Variants in RORA observed in about 807,000 individuals in gnomAD.
RORA encodes RAR related orphan receptor A.
Under a neutral mutation model 69.5 loss-of-function variants are expected in RORA, and 7 were observed. The ratio of observed to expected loss-of-function variants is 0.10; its 90% CI spans 0.06 to 0.19. The LOEUF (loss-of-function observed/expected upper bound fraction) is 0.19. Among genes scored for constraint, RORA ranks in the 10% least tolerant of loss-of-function variants. The probability of loss-of-function intolerance (pLI) is 1.00; values close to 1 mark genes in which losing one functional copy is unlikely to be tolerated. For synonymous variants in RORA, 261 were observed against 240.8 expected (o/e 1.08, Z -0.78); for missense variants, 457 against 663.0 (o/e 0.69, Z 3.41).
rs2070294685 is a variant in RORA, at chr15:60,660,983, C to G, written c.196+17674G>C. Among the ~76,000 whole-genome samples the G allele has an allele frequency of 2.0e-5, 3 of 150,590 alleles. No individual in the cohort carries two copies. In the South Asian group the frequency reaches 6.3e-4, roughly 32 times the overall value. ...ATTTTCAGACTTGTGTTTTCCTGGA[C>G]AGCTGCCTAGTGGCTGTAATCCATA... is the stretch of plus-strand genomic sequence containing the variant. On this transcript the variant is annotated intron_variant, in intron 2 of 10. Transcript: ENST00000335670.
At chr15:60,679,287 A>C (rs980016417) in intron 1 of RORA, among the ~76,000 whole-genome samples, 2 of 152,230 alleles carry the variant, frequency 1.3e-5, no homozygotes, top group Non-Finnish European at 2.9e-5. Flanking sequence ...CAGTTGAAAC[A>C]CAACTGAATG....
intron 1 of RORA, among the ~76,000 whole-genome samples, chr15:60,825,469 T>C (rs546001389): frequency 7.9e-5 from 12 of 152,180 alleles, no homozygotes; most frequent in African/African-American, 2.9e-4. Flanking sequence ...ATTCAGGAGG[T>C]TGGTTTGAAT....
chr15:60,739,583 G>T lies in RORA; in HGVS notation c.167-60897C>A, dbSNP rs547044661. On this transcript the variant is annotated intron_variant, in intron 1 of 10. Coordinates refer to ENST00000335670, the MANE Select transcript of RORA (RefSeq NM_134261.3). ...AAGACCTTGTCGCAAAAAAAAAAAA[G>T]TTTTTTTTAAAGGAAATACTTCACC... 8.7e-5 allele frequency among the ~76,000 whole-genome samples: 13 copies of T among 149,382 alleles called. No homozygotes were observed. In the South Asian group the frequency reaches 1.1e-3, roughly 12 times the overall value.
intron 1 of RORA, among the ~76,000 whole-genome samples, chr15:60,991,385 G>A (rs1471747224): frequency 6.6e-6 from 1 of 152,158 alleles, no homozygotes. Context: ...TTTTCAAGGA[G>A]GTAATAGGCT....
rs1412684136 is a variant in RORA, at chr15:60,496,557, A to C, written c.*898T>G. On this transcript the variant is annotated 3_prime_UTR_variant, in exon 11 of 11. Coordinates refer to ENST00000335670, the MANE Select transcript of RORA (RefSeq NM_134261.3). This position sits in a 1 kb window ranked among gnomAD's most constrained non-coding sequence, Gnocchi z 4.5. Reference sequence around the variant, plus strand: ...TCTATCATTAAACTTACCAAAAAGCAAAGTATAATTTAGGGAGAGTTCCGT... The same window carrying C: ...TCTATCATTAAACTTACCAAAAAGCCAAGTATAATTTAGGGAGAGTTCCGT... The C allele has an allele frequency of 2.0e-5, 3 of 152,218 alleles. No homozygotes were observed. In the East Asian group the frequency reaches 5.8e-4, roughly 29 times the overall value. The allele number at this position is 152,218 out of a possible 1,614,324, so 9.4% of individuals were successfully genotyped here.
intron 2 of RORA, among the ~76,000 whole-genome samples, chr15:60,652,110 CTT>C (rs796682420): frequency 2.8e-5 from 4 of 144,832 alleles, no homozygotes; most frequent in Non-Finnish European, 3.0e-5. Context: ...AGCAGACTGC[CTT>C]TTTTTTTTTT....
intron 1 of RORA, among the ~76,000 whole-genome samples, chr15:60,780,746 T>C (rs1235505781): frequency 6.6e-6 from 1 of 152,166 alleles, no homozygotes; most frequent in Non-Finnish European, 1.5e-5. Context: ...AGTCGTAAAA[T>C]TTATTGAGGG....
intron 1 of RORA, among the ~76,000 whole-genome samples, chr15:61,141,735 C>A (rs180914085): frequency 4.3e-4 from 65 of 152,326 alleles, no homozygotes; most frequent in Non-Finnish European, 2.9e-5. Flanking sequence ...CAAGGTCCCG[C>A]AAGCCTGCCT....
intron 1 of RORA, among the ~76,000 whole-genome samples, chr15:60,889,860 G>A (rs1023672871): frequency 6.6e-6 from 1 of 152,180 alleles, no homozygotes; most frequent in Admixed American, 6.5e-5. Flanking sequence ...TACTGGAAAC[G>A]TAAATCACGA....
intron 1 of RORA, among the ~76,000 whole-genome samples, chr15:61,095,713 T>C (rs2140731001): frequency 6.6e-6 from 1 of 152,260 alleles, no homozygotes; most frequent in Non-Finnish European, 1.5e-5. Flanking sequence ...CAAATCAGAT[T>C]ACAAATAAGG....
intron 1 of RORA, among the ~76,000 whole-genome samples, chr15:61,211,137 C>A (rs1031446661): frequency 2.6e-5 from 4 of 152,118 alleles, no homozygotes; most frequent in Non-Finnish European, 5.9e-5. Flanking sequence ...GCTCTGCTGT[C>A]CTGGAGGGCA....
chr15:60,532,931 C>G (rs1263943225), intron 2 of RORA, among the ~76,000 whole-genome samples: 2 of 152,176 alleles, frequency 1.3e-5, no homozygotes, highest in African/African-American at 4.8e-5. Context: ...CAGCCCTTAC[C>G]TAGCCCCAGA....
chr15:61,046,863 CGAGGACTCTTG>C (rs1897051926), intron 1 of RORA, among the ~76,000 whole-genome samples: 2 of 152,164 alleles, frequency 1.3e-5, no homozygotes, highest in South Asian at 4.1e-4. Context: ...TGATGAAAAA[CGAGGACTCTTG>C]GAGGTATTCA....
intron 1 of RORA, among the ~76,000 whole-genome samples, chr15:61,107,273 A>T (rs1180676666): frequency 6.6e-6 from 1 of 152,196 alleles, no homozygotes; most frequent in Non-Finnish European, 1.5e-5. Flanking sequence ...AAGGTCTTAA[A>T]TCCAAGTAAG....
intron 1 of RORA, among the ~76,000 whole-genome samples, chr15:60,887,920 T>C (rs771975468): frequency 6.6e-6 from 1 of 152,314 alleles, no homozygotes; most frequent in East Asian, 1.9e-4. Context: ...TAGTCCAATA[T>C]GGGCATCTAA....
chr15:60,692,405 T>A (rs1048275857), intron 1 of RORA, among the ~76,000 whole-genome samples: 1 of 152,122 alleles, frequency 6.6e-6, no homozygotes, highest in African/African-American at 2.4e-5. Context: ...TGTGGGGTAG[T>A]ACAGAAAGGA....
At chr15:60,653,078 GT>G (rs2140701477) in intron 2 of RORA, among the ~76,000 whole-genome samples, 1 of 152,338 alleles carries the variant, frequency 6.6e-6, no homozygotes, top group East Asian at 1.9e-4. Context: ...TACCTGAGAT[GT>G]TACGCTGTGG....
At chr15:61,126,360 T>C (rs2079142556) in intron 1 of RORA, among the ~76,000 whole-genome samples, 1 of 152,222 alleles carries the variant, frequency 6.6e-6, no homozygotes, top group Non-Finnish European at 1.5e-5. Flanking sequence ...CACACCTTTT[T>C]TTGTACTGAG....
intron 1 of RORA, among the ~76,000 whole-genome samples, chr15:61,125,308 A>G (rs1407809716): frequency 6.6e-6 from 1 of 152,242 alleles, no homozygotes. Context: ...GTGTTTGGGT[A>G]TTATCCTTGT....
Sources: gnomAD v4.1 joint callset for allele counts (sites outside exome capture counted in the v4.1 genomes callset) on GRCh38, gnomAD v4.1.1 for gene constraint, Gnocchi (gnomAD v3.1) non-coding constraint, MANE v1.5 for transcripts, NCBI Gene and HGNC (gene_info 2026-07-23, HGNC 2026-07-21) for gene names.